TMEM94: variants seen among roughly 807,000 people sequenced by gnomAD.
TMEM94 encodes the protein transmembrane protein 94.
A neutral mutation model predicts 158.6 loss-of-function variants in TMEM94; 81 were observed. That is an observed-to-expected ratio of 0.51 (90% CI 0.43 to 0.61). TMEM94 has a LOEUF of 0.61. Among genes scored for constraint, TMEM94 ranks in the 20% least tolerant of loss-of-function variants. TMEM94 has a pLI of 0.00. For synonymous variants in TMEM94, 751 were observed against 730.7 expected (o/e 1.03, Z -0.45); for missense variants, 1,435 against 1,762.0 (o/e 0.81, Z 3.32).
At chr17:75,479,520 A>G (rs1428798517) in intron 2 of TMEM94, among the ~76,000 whole-genome samples, 2 of 146,514 alleles carry the variant, frequency 1.4e-5, no homozygotes, top group Non-Finnish European at 3.0e-5. Flanking sequence ...GGGTTTCACT[A>G]TGTTGGCCAG....
intron 23 of TMEM94, 25 bp downstream of exon 23, chr17:75,496,099 C>A: frequency 1.9e-6 from 3 of 1,574,022 alleles, no homozygotes; most frequent in Non-Finnish European, 2.6e-6. Context: ...CTGGAGCCTG[C>A]GGGCCAGCCT....
chr17:75,468,458 G>A (rs760055331), intron 1 of TMEM94, among the ~76,000 whole-genome samples: 11 of 152,240 alleles, frequency 7.2e-5, no homozygotes, highest in Non-Finnish European at 1.6e-4. Context: ...GGGATGGGGT[G>A]TCATGGGGAC....
intron 2 of TMEM94, among the ~76,000 whole-genome samples, chr17:75,484,097 C>T (rs1257051519): frequency 2.6e-5 from 4 of 152,198 alleles, no homozygotes; most frequent in Admixed American, 6.5e-5. Context: ...CCTGCGTCGT[C>T]GGGGCCTACA....
intron 25 of TMEM94, 88 bp downstream of exon 25, chr17:75,496,895 G>A: frequency 7.0e-7 from 1 of 1,422,956 alleles, no homozygotes; most frequent in Non-Finnish European, 9.9e-7. Flanking sequence ...GGAGGCTGGG[G>A]TTAGCAGTAC....
At chr17:75,494,071 A>C (rs370144131) in intron 18 of TMEM94, among the ~76,000 whole-genome samples, 155 bp downstream of exon 18, 1 of 152,206 alleles carries the variant, frequency 6.6e-6, no homozygotes, top group Non-Finnish European at 1.5e-5. Context: ...GTGGCACTCT[A>C]TCCGGGGACA....
chr17:75,486,477 G>A, intron 5 of TMEM94, 51 bp downstream of exon 5: 1 of 1,610,440 alleles, frequency 6.2e-7, no homozygotes, highest in Non-Finnish European at 8.5e-7. Context: ...GGACATATCA[G>A]AGCCCTGAGG....
At chr17:75,480,510 A>G (rs1205051008) in intron 2 of TMEM94, among the ~76,000 whole-genome samples, 6 of 152,224 alleles carry the variant, frequency 3.9e-5, no homozygotes, top group Non-Finnish European at 8.8e-5. Context: ...AGAGACAGCA[A>G]GAGAGCAGAT....
In TMEM94 at chr17:75,496,413, C is replaced by G. The variant is rs764262657; in HGVS notation, c.3185C>G (p.Pro1062Arg). 1 of 1,613,762 alleles carries G rather than the reference C, an allele frequency of 6.2e-7. No homozygotes were observed. The highest frequency in any genetic ancestry group is 8.5e-7 in the Non-Finnish European group (1 of 1,180,050). Residue 1062 changes from proline to arginine, a missense_variant, in exon 24 of 32, where the codon CCC (proline) becomes CGC (arginine). Coordinates refer to ENST00000314256, the MANE Select transcript of TMEM94 (RefSeq NM_014738.6). The stretch of plus-strand genomic sequence containing the variant: ...CTGTCAGGGCAGCTCAACAGCCTGC[C>G]CTGTTCCCTGACCTTTCGCCAGGAG... ...LQLSGQLNSL[P>R]CSLTFRQEET... is the part of the protein sequence containing the mutation.
chr17:75,479,614 G>A (rs539475967), intron 2 of TMEM94, among the ~76,000 whole-genome samples: 84 of 150,324 alleles, frequency 5.6e-4, no homozygotes, highest in Admixed American at 2.8e-3. Context: ...CACTGAGCCC[G>A]GCCTACAAAA....
At position 75,491,113 on chromosome 17, in the gene TMEM94, G is replaced by C; in HGVS notation, c.1193G>C (p.Ser398Thr). 6.2e-7 allele frequency: 1 copy of C among 1,613,600 alleles called. No individual in the cohort carries two copies. Among genetic ancestry groups the C allele is most frequent in the South Asian group, 1.1e-5 (1 of 91,022 alleles). The change falls in exon 12 of 32, where the codon AGC becomes ACC. Residue 398 changes from serine to threonine, a missense_variant. Physicochemically the swap from Ser to Thr is moderately conservative, Grantham distance 58 (BLOSUM62 1). Transcript: ENST00000314256. This position sits in a 1 kb window ranked among gnomAD's most constrained non-coding sequence, Gnocchi z 5.1. ...RVLGGTSPTL[S>T]HSSSLLHSLG... is the part of the protein sequence containing the mutation. ...CTCGGGGGGACATCGCCAACGCTGA[G>C]CCACAGTTCCAGCCTGCTGCACAGC...
chr17:75,496,991 C>A, intron 25 of TMEM94, 122 bp from the exon 26 acceptor site: 1 of 1,048,398 alleles, frequency 9.5e-7, no homozygotes, highest in East Asian at 2.4e-5. Flanking sequence ...CCCTCCGGCC[C>A]CTGTTCCCTC....
In TMEM94 at chr17:75,461,996, G is replaced by GT. The variant is rs1212545027; in HGVS notation, c.-107+5249dup. Among the ~76,000 whole-genome samples, 68 of 65,998 alleles carry GT rather than the reference G, an allele frequency of 1.0e-3. 1 individual carries two copies. The highest frequency in any genetic ancestry group is 1.9e-3 in the African/African-American group (47 of 24,182). The allele number at this position is 65,998 out of a possible 152,430, so 43.3% of individuals were successfully genotyped here. A position where few individuals can be genotyped will look rare whatever the true frequency, so the allele number is the denominator to read the frequency against. On this transcript the variant is annotated intron_variant, in intron 1 of 31. Coordinates refer to ENST00000314256, the MANE Select transcript of TMEM94 (RefSeq NM_014738.6). ...CTATATAAATTTTACAGTTTTTTTT[G>GT]TTTTGTTTTGTTTTGTTTTTTTTTT...
At chr17:75,463,178 G>GTGTGTGTGTATATATATATATA (rs1180723796) in intron 1 of TMEM94, among the ~76,000 whole-genome samples, 2 of 15,082 alleles carry the variant, frequency 1.3e-4, no homozygotes, top group African/African-American at 3.3e-4. Flanking sequence ...GTGTGTGTGT[G>GTGTGTGTGTATATATATATATA]TATATATATA....
At position 75,498,370 on chromosome 17, in the gene TMEM94, G is replaced by C. The variant is rs1358495639; in HGVS notation, c.3638+47G>C. The stretch of plus-strand genomic sequence containing the variant: ...CCACCCATCGCCTGCCTCGCCTCGA[G>C]GCTTCCTCCCTCCCCACCCCAGCCT... On this transcript the variant is annotated intron_variant, in intron 28 of 31. Transcript: ENST00000314256. The surrounding 1 kb of genome is among the most constrained non-coding windows in gnomAD (Gnocchi z 6.7). The C allele has an allele frequency of 1.9e-6, 3 of 1,612,350 alleles. No homozygotes were observed. Among genetic ancestry groups the C allele is most frequent in the Non-Finnish European group, 2.5e-6 (3 of 1,179,364 alleles).
intron 1 of TMEM94, among the ~76,000 whole-genome samples, chr17:75,464,951 A>C (rs937061571): frequency 6.6e-6 from 1 of 151,742 alleles, no homozygotes; most frequent in African/African-American, 2.4e-5. Context: ...CACCCACCTC[A>C]GCTTCCCAAA....
chr17:75,493,619 G>T (rs2052413866), intron 17 of TMEM94, 26 bp downstream of exon 17: 1 of 1,613,266 alleles, frequency 6.2e-7, no homozygotes, highest in Non-Finnish European at 8.5e-7. Flanking sequence ...CATGCCAGCA[G>T]CAAGAGCAGT....
Position 75,492,350 on chromosome 17 carries a change from T to TC in TMEM94, c.1597-123dup, listed in dbSNP as rs2052280714. On this transcript the variant is annotated intron_variant, in intron 14 of 31. Coordinates refer to ENST00000314256, the MANE Select transcript of TMEM94 (RefSeq NM_014738.6). The surrounding 1 kb of genome is among the most constrained non-coding windows in gnomAD (Gnocchi z 4.4). ...CGGGTGGAAGAGGGTGAGCAGCAGC[T>TC]CTCTCCTGGGAAGGGTGCCTTTCAG... The TC allele has an allele frequency of 1.4e-6, 2 of 1,444,904 alleles. No homozygotes were observed. The highest frequency in any genetic ancestry group is 1.8e-6 in the Non-Finnish European group (2 of 1,101,352). 89.5% of individuals were successfully genotyped at this position (1,444,904 alleles called of 1,614,324 possible).
Position 75,495,896 on chromosome 17 carries a change from T to A in TMEM94, c.2945-70T>A. ...CATCGCCTCCTGCTCTCCTGTCCCATGGGTCTCTGCCCAGTGCCCACTTGG... is the reference window on the plus strand; with the variant it reads ...CATCGCCTCCTGCTCTCCTGTCCCAAGGGTCTCTGCCCAGTGCCCACTTGG... On this transcript the variant is annotated intron_variant, in intron 22 of 31. Coordinates refer to ENST00000314256, the MANE Select transcript of TMEM94 (RefSeq NM_014738.6). The surrounding 1 kb of genome is among the most constrained non-coding windows in gnomAD (Gnocchi z 5.6). The A allele has an allele frequency of 8.7e-7, 1 of 1,146,442 alleles. No individual in the cohort carries two copies. Among genetic ancestry groups the A allele is most frequent in the South Asian group, 1.3e-5 (1 of 77,574 alleles). The allele number at this position is 1,146,442 out of a possible 1,614,324, so 71.0% of individuals were successfully genotyped here.
At chr17:75,468,503 C>T (rs2050384937) in intron 1 of TMEM94, among the ~76,000 whole-genome samples, 1 of 152,216 alleles carries the variant, frequency 6.6e-6, no homozygotes, top group East Asian at 1.9e-4. Context: ...CTGGGGCAGC[C>T]TGAGTCAGAC....
Sources: gnomAD v4.1 joint callset for allele counts (sites outside exome capture counted in the v4.1 genomes callset) on GRCh38, gnomAD v4.1.1 for gene constraint, Gnocchi (gnomAD v3.1) non-coding constraint, MANE v1.5 for transcripts, NCBI Gene and HGNC (gene_info 2026-07-23, HGNC 2026-07-21) for gene names.